Variants in MECOM observed in about 807,000 individuals in gnomAD.
MECOM encodes the protein histone-lysine N-methyltransferase MECOM.
In MECOM, 13 loss-of-function variants were observed where a neutral mutation model predicts 116.3. The observed-to-expected ratio is 0.11, with a 90% CI of 0.07 to 0.18. The LOEUF is 0.18. MECOM is among the 10% of genes least tolerant of loss of function. MECOM has a pLI of 1.00. For synonymous variants in MECOM, 528 were observed against 535.2 expected, an observed-to-expected ratio of 0.99 and a Z score of 0.19; for missense variants, 1,299 against 1,509.0, an observed-to-expected ratio of 0.86 and a Z score of 2.31.
At chr3:169,104,475 A>T (rs1179987121) in intron 10 of MECOM, among the ~76,000 whole-genome samples, 1 of 152,228 alleles carries the variant, frequency 6.6e-6, no homozygotes, top group African/African-American at 2.4e-5. Context: ...TAGTACTACT[A>T]ACAAGCATGG....
chr3:169,510,498 C>G (rs1038590237), intron 1 of MECOM, among the ~76,000 whole-genome samples: 1 of 152,218 alleles, frequency 6.6e-6, no homozygotes, highest in Non-Finnish European at 1.5e-5. Flanking sequence ...GCACTTAGAA[C>G]ACAATGCGAG....
chr3:169,243,327 AG>A (rs1755124854), intron 2 of MECOM, among the ~76,000 whole-genome samples: 1 of 152,194 alleles, frequency 6.6e-6, no homozygotes, highest in Non-Finnish European at 1.5e-5. Flanking sequence ...CATGGAACAC[AG>A]GGCAGCTGGT....
chr3:169,218,698 C>T (rs916442815), intron 2 of MECOM, among the ~76,000 whole-genome samples: 1 of 152,108 alleles, frequency 6.6e-6, no homozygotes, highest in Non-Finnish European at 1.5e-5. Flanking sequence ...AGAATGCAGT[C>T]CATATCAGTG....
intron 2 of MECOM, among the ~76,000 whole-genome samples, chr3:169,302,930 C>A (rs371623161): frequency 1.3e-5 from 2 of 151,832 alleles, no homozygotes; most frequent in East Asian, 3.9e-4. Context: ...AGATTAACAA[C>A]AAAGAAAAAT....
intron 1 of MECOM, among the ~76,000 whole-genome samples, chr3:169,394,564 A>G (rs977885939): frequency 6.6e-6 from 1 of 152,128 alleles, no homozygotes; most frequent in Non-Finnish European, 1.5e-5. Flanking sequence ...TTTAAATTGG[A>G]TTGAGTTTAT....
chr3:169,261,756 A>G (rs538042933), intron 2 of MECOM, among the ~76,000 whole-genome samples: 2 of 150,372 alleles, frequency 1.3e-5, no homozygotes, highest in Non-Finnish European at 2.9e-5. Flanking sequence ...AAGAAGAAGA[A>G]GAAGAGGAAG....
At chr3:169,185,830 A>G (rs1263804041) in intron 2 of MECOM, among the ~76,000 whole-genome samples, 1 of 152,186 alleles carries the variant, frequency 6.6e-6, no homozygotes, top group African/African-American at 2.4e-5. Flanking sequence ...GGGTAATTCA[A>G]CCGAGTCTTT....
chr3:169,507,786 C>T (rs1020394679), intron 1 of MECOM, among the ~76,000 whole-genome samples: 8 of 148,156 alleles, frequency 5.4e-5, no homozygotes, highest in Admixed American at 1.4e-4. Flanking sequence ...CTCAGCCTCC[C>T]GAGTAGCTGG....
intron 1 of MECOM, among the ~76,000 whole-genome samples, chr3:169,419,291 A>C (rs1221975584): frequency 6.6e-6 from 1 of 152,210 alleles, no homozygotes; most frequent in African/African-American, 2.4e-5. Flanking sequence ...GATAGGAAGA[A>C]TCAATATCAT....
chr3:169,537,634 C>T (rs1319063390), intron 1 of MECOM, among the ~76,000 whole-genome samples: 1 of 151,828 alleles, frequency 6.6e-6, no homozygotes, highest in East Asian at 1.9e-4. Context: ...ATCCCCTTAG[C>T]CCTGGTTTAA....
chr3:169,095,741 T>C (rs1237819128), intron 12 of MECOM, among the ~76,000 whole-genome samples: 1 of 152,178 alleles, frequency 6.6e-6, no homozygotes, highest in Non-Finnish European at 1.5e-5. Context: ...AAAATAGCAA[T>C]CAATATTTTA....
intron 1 of MECOM, among the ~76,000 whole-genome samples, chr3:169,451,557 T>A (rs1008906351): frequency 6.6e-6 from 1 of 152,198 alleles, no homozygotes; most frequent in Non-Finnish European, 1.5e-5. Context: ...TGTCATCAAC[T>A]GTGGAAAAAT....
At chr3:169,307,207 T>C (rs561412673) in intron 2 of MECOM, among the ~76,000 whole-genome samples, 1 of 152,290 alleles carries the variant, frequency 6.6e-6, no homozygotes, top group East Asian at 1.9e-4. Context: ...AATAAACCTT[T>C]AATAATCCCC....
intron 1 of MECOM, among the ~76,000 whole-genome samples, chr3:169,541,705 C>G (rs905149863): frequency 2.6e-5 from 4 of 152,202 alleles, no homozygotes; most frequent in African/African-American, 9.7e-5. Context: ...TCCTACCTCA[C>G]TGAGCGAGGC....
chr3:169,122,749 T>C, intron 5 of MECOM, 22 bp from the exon 6 acceptor site: 1 of 1,609,678 alleles, frequency 6.2e-7, no homozygotes, highest in East Asian at 2.2e-5. Flanking sequence ...ACAATAGATT[T>C]TAAAAGACAA....
At chr3:169,255,292 G>A (rs1194230346) in intron 2 of MECOM, among the ~76,000 whole-genome samples, 2 of 151,950 alleles carry the variant, frequency 1.3e-5, no homozygotes, top group African/African-American at 2.4e-5. Flanking sequence ...TATAAATCAG[G>A]AGCCTATGCA....
At chr3:169,570,001 A>G (rs1220776141) in intron 1 of MECOM, among the ~76,000 whole-genome samples, 1 of 152,190 alleles carries the variant, frequency 6.6e-6, no homozygotes, top group Non-Finnish European at 1.5e-5. Context: ...ATAGAATTGA[A>G]GGATAGAGAC....
chr3:169,429,785 T>C (rs1741305323), intron 1 of MECOM, among the ~76,000 whole-genome samples: 1 of 152,166 alleles, frequency 6.6e-6, no homozygotes, highest in East Asian at 1.9e-4. Context: ...ATAGAGTCAA[T>C]GATATTACCA....
intron 2 of MECOM, among the ~76,000 whole-genome samples, chr3:169,348,632 G>C (rs1262910660): frequency 6.6e-6 from 1 of 151,988 alleles, no homozygotes; most frequent in African/African-American, 2.4e-5. Flanking sequence ...CATAAGAGAA[G>C]TAAACATTTT....
Sources: allele counts gnomAD v4.1 joint callset (sites outside exome capture counted in the v4.1 genomes callset), GRCh38; gene constraint gnomAD v4.1.1; transcripts MANE v1.5; gene names NCBI Gene and HGNC (gene_info 2026-07-23, HGNC 2026-07-21).